The following CTPS2 variants were observed in gnomAD, a reference collection of about 807,000 sequenced individuals.
CTPS2 encodes CTP synthase II.
In CTPS2, 19 loss-of-function variants were observed where a neutral mutation model predicts 46.8. That is an observed-to-expected ratio of 0.41 (90% CI 0.28 to 0.60). CTPS2 has a LOEUF of 0.60. Ranked by LOEUF, CTPS2 falls within the 20% of genes least tolerant of loss-of-function variation. The probability of loss-of-function intolerance (pLI) is 0.35; values close to 1 mark genes in which losing one functional copy is unlikely to be tolerated. For missense variants in CTPS2, 286 were observed against 447.6 expected (o/e 0.64, Z 3.26); for synonymous variants, 151 against 165.2 (o/e 0.91, Z 0.66).
At chrX:16,686,146 G>A (rs1380107184) in intron 8 of CTPS2, among the ~76,000 whole-genome samples, 3 of 112,067 alleles carry the variant, frequency 2.7e-5, no homozygotes, top group Non-Finnish European at 5.6e-5. Context: ...GCCCAGTGCT[G>A]CAGAGGCACC....
chrX:16,699,067 C>G lies in CTPS2; in HGVS notation c.193G>C (p.Gly65Arg). The G allele has an allele frequency of 2.6e-6, 3 of 1,168,260 alleles. No individual in the cohort carries two copies. Among genetic ancestry groups the G allele is most frequent in the Non-Finnish European group, 3.4e-6 (3 of 877,710 alleles). The change falls in exon 3 of 19, where the codon GGA becomes CGA. Residue 65 changes from glycine (G) to arginine (R), a missense_variant. By Grantham distance (125) the Gly-to-Arg change is moderately radical. Coordinates refer to ENST00000359276, the MANE Select transcript of CTPS2 (RefSeq NM_175859.3). ...HGEVFVLNDG[G>R]EVDLDLGNYE... ...TTTCCAAGGTCTAAATCAACTTCTC[C>G]ACCATCATTTAAGACGAAGACTTCA... is the stretch of plus-strand genomic sequence containing the variant.
At chrX:16,598,482 C>G (rs1188206711) in intron 17 of CTPS2, among the ~76,000 whole-genome samples, 1 of 111,867 alleles carries the variant, frequency 8.9e-6, no homozygotes, top group Non-Finnish European at 1.9e-5. Context: ...TTCCTCGACA[C>G]ATACACCCTC....
chrX:16,693,937 C>T (rs748806182), intron 4 of CTPS2, among the ~76,000 whole-genome samples: 166 of 111,578 alleles, frequency 1.5e-3, no homozygotes, highest in African/African-American at 5.3e-3. Context: ...GAGGCCGAGG[C>T]GGGCGGATCA....
chrX:16,669,073 T>TA (rs1359660532), intron 11 of CTPS2, among the ~76,000 whole-genome samples: 3 of 111,079 alleles, frequency 2.7e-5, no homozygotes, highest in East Asian at 2.8e-4. Context: ...CCCATAGCCT[T>TA]CACTGTAAGG....
chrX:16,699,265 T>C (rs763413241), intron 2 of CTPS2, among the ~76,000 whole-genome samples, 172 bp from the exon 3 acceptor site: 1 of 111,980 alleles, frequency 8.9e-6, no homozygotes, highest in Non-Finnish European at 1.9e-5. Context: ...AGAAAATGCA[T>C]CAGAAAATTC....
At chrX:16,615,497 T>G (rs1426392905) in intron 16 of CTPS2, among the ~76,000 whole-genome samples, 1 of 111,722 alleles carries the variant, frequency 9.0e-6, no homozygotes, top group South Asian at 3.8e-4. Context: ...CCCCCGCCTT[T>G]CCATGTGAAA....
At chrX:16,597,291 T>A (rs1929342211) in intron 17 of CTPS2, among the ~76,000 whole-genome samples, 1 of 111,985 alleles carries the variant, frequency 8.9e-6, no homozygotes, top group Non-Finnish European at 1.9e-5. Flanking sequence ...TGAATGGTAA[T>A]GCCTAGGTTT....
chrX:16,672,131 T>C (rs946342598), intron 10 of CTPS2, among the ~76,000 whole-genome samples: 3 of 111,387 alleles, frequency 2.7e-5, no homozygotes, highest in Non-Finnish European at 3.8e-5. Flanking sequence ...CTGCTAAGAA[T>C]AGGTTTGGCA....
In CTPS2 at chrX:16,640,769, TTTG is replaced by T. The variant is rs768778172; in HGVS notation, c.1297-1529_1297-1527del. On this transcript the variant is annotated intron_variant, in intron 13 of 18. Transcript: ENST00000359276. ...AGCTTCCCTCTCATAAAACCTTTCATTTGTTGTTGTTGTTTTTTTCCCATACCG... is the reference window on the plus strand; with the variant it reads ...AGCTTCCCTCTCATAAAACCTTTCATTTGTTGTTGTTTTTTTCCCATACCG... 2.1e-3 allele frequency among the ~76,000 whole-genome samples: 238 copies of T among 111,967 alleles called. No homozygotes were observed. In the Middle Eastern group the frequency reaches 0.023, roughly 11 times the overall value.
intron 14 of CTPS2, among the ~76,000 whole-genome samples, chrX:16,623,419 C>T (rs1930943149): frequency 9.0e-6 from 1 of 111,468 alleles, no homozygotes; most frequent in South Asian, 3.8e-4. Context: ...CCCCCCACTA[C>T]CCTTCCCAGC....
intron 2 of CTPS2, among the ~76,000 whole-genome samples, chrX:16,701,702 G>A (rs72616021): frequency 2.8e-5 from 3 of 108,806 alleles, no homozygotes; most frequent in South Asian, 4.0e-4. Context: ...CTGGGTTCAC[G>A]CCATTCTCCC....
upstream of CTPS2, chrX:16,712,898 C>T (rs1251050543): frequency 9.0e-6 from 1 of 111,519 alleles, no homozygotes; most frequent in Non-Finnish European, 1.9e-5. Context: ...TGCAGGAGCG[C>T]TCAGGAGAGA....
At chrX:16,617,917 C>A (rs781692162) in intron 15 of CTPS2, among the ~76,000 whole-genome samples, 4 of 112,068 alleles carry the variant, frequency 3.6e-5, no homozygotes, top group Admixed American at 2.9e-4. Context: ...TAAAATTATA[C>A]CAGTTCTCGT....
At chrX:16,602,248 G>A (rs1020340930) in intron 17 of CTPS2, among the ~76,000 whole-genome samples, 2 of 111,503 alleles carry the variant, frequency 1.8e-5, no homozygotes, top group Admixed American at 9.5e-5. Flanking sequence ...GGGACTGTGC[G>A]CTTGCAGGTC....
intron 13 of CTPS2, among the ~76,000 whole-genome samples, chrX:16,644,291 T>A (rs1276906295): frequency 9.0e-6 from 1 of 111,087 alleles, no homozygotes; most frequent in African/African-American, 3.3e-5. Flanking sequence ...CATGCCACCA[T>A]GCCCGGCTAA....
At chrX:16,649,910 C>G (rs1932520442) in intron 13 of CTPS2, among the ~76,000 whole-genome samples, 1 of 111,739 alleles carries the variant, frequency 8.9e-6, no homozygotes, top group Non-Finnish European at 1.9e-5. Flanking sequence ...AAATATAATT[C>G]TACATTGGAG....
chrX:16,626,646 C>T (rs1222171332), intron 14 of CTPS2, among the ~76,000 whole-genome samples: 1 of 111,229 alleles, frequency 9.0e-6, no homozygotes, highest in African/African-American at 3.3e-5. Flanking sequence ...CCATGATGCC[C>T]TCTTGCTCTG....
intron 9 of CTPS2, among the ~76,000 whole-genome samples, chrX:16,682,005 T>A (rs4831050): frequency 0.51 from 56,288 of 110,618 alleles, 11,067 homozygotes; most frequent in African/African-American, 0.72. Context: ...CATTCCTCCA[T>A]GTTAGAGAGG....
chrX:16,678,959 G>T (rs1922512363), intron 9 of CTPS2, among the ~76,000 whole-genome samples: 1 of 111,304 alleles, frequency 9.0e-6, no homozygotes, highest in South Asian at 3.8e-4. Context: ...AAGAGCTCTG[G>T]GGAGGTAATG....
Sources: gnomAD v4.1 joint callset for allele counts (sites outside exome capture counted in the v4.1 genomes callset) on GRCh38, gnomAD v4.1.1 for gene constraint, MANE v1.5 for transcripts, NCBI Gene and HGNC (gene_info 2026-07-23, HGNC 2026-07-21) for gene names.